SPATA2L: variants seen among roughly 807,000 people sequenced by gnomAD.
SPATA2L encodes spermatogenesis associated 2 like.
SPATA2L carries 5 observed loss-of-function variants against 8.7 expected under a neutral mutation model. That is an observed-to-expected ratio of 0.57 (90% CI 0.30 to 1.21). The LOEUF (loss-of-function observed/expected upper bound fraction) is 1.21, where lower values mean the gene tolerates loss of function less well. Ranked by LOEUF, SPATA2L falls within the 50% of genes most tolerant of loss-of-function variation. The probability of loss-of-function intolerance (pLI) is 0.07; values close to 1 mark genes in which losing one functional copy is unlikely to be tolerated. For missense variants in SPATA2L, 671 were observed against 591.0 expected, an observed-to-expected ratio of 1.14 and a Z score of -1.40; for synonymous variants, 358 against 275.8, an observed-to-expected ratio of 1.30 and a Z score of -2.95.
At chr16:89,700,005 G>A (rs1479885720) in intron 2 of SPATA2L, among the ~76,000 whole-genome samples, 1 of 152,228 alleles carries the variant, frequency 6.6e-6, no homozygotes, top group African/African-American at 2.4e-5. Context: ...AGTGCCTGCA[G>A]CACTGAGCTC....
Position 89,701,074 on chromosome 16 carries a change from C to G in SPATA2L, c.159G>C (p.Ala53=). ...ACAGCCCGTCGGTGAGCAGAGCCAG[C>G]GCGTCGTCCTGCAGCGCCCCGTGCA... The part of the protein sequence containing the change: ...FDLHGALQDD[A]LALLTDGLWG... Residue 53 remains alanine, a synonymous_variant, in exon 2 of 3, where the codon GCG becomes GCC. Transcript: ENST00000289805. The G allele has an allele frequency of 1.3e-6, 2 of 1,572,148 alleles. No individual in the cohort carries two copies. The highest frequency in any genetic ancestry group is 2.7e-5 in the African/African-American group (2 of 73,416).
In SPATA2L at chr16:89,697,645, G is replaced by A; in HGVS notation, c.964C>T (p.Leu322=). 1.9e-6 allele frequency: 3 copies of A among 1,608,588 alleles called. 1 individual carries two copies. The highest frequency in any genetic ancestry group is 2.5e-6 in the Non-Finnish European group (3 of 1,179,854). Residue 322 remains leucine, a synonymous_variant, in exon 3 of 3, where the codon CTG becomes TTG. Transcript: ENST00000289805. ...GCTGCAGAGCTTTCAGGGGTGGCCA[G>A]GTCCCCAGGCCTACTCAGCTCACGG... ...LRRELSRPGD[L]ATPESSAAAS... is the part of the protein sequence containing the mutation.
chr16:89,700,112 A>T (rs2060765936), intron 2 of SPATA2L, among the ~76,000 whole-genome samples: 1 of 152,214 alleles, frequency 6.6e-6, no homozygotes, highest in Non-Finnish European at 1.5e-5. Context: ...TAATTTGGCC[A>T]AGTCCTCGCG....
chr16:89,699,738 G>A (rs2060763162), intron 2 of SPATA2L, among the ~76,000 whole-genome samples: 1 of 152,090 alleles, frequency 6.6e-6, no homozygotes, highest in Non-Finnish European at 1.5e-5. Flanking sequence ...TTTTAATAGA[G>A]ACGGGGTTTC....
At chr16:89,699,244 C>G (rs1009758598) in intron 2 of SPATA2L, among the ~76,000 whole-genome samples, 2 of 152,188 alleles carry the variant, frequency 1.3e-5, no homozygotes, top group East Asian at 3.8e-4. Flanking sequence ...TTTGAATGTA[C>G]TTGCCCAGGT....
At position 89,701,241 on chromosome 16, in the gene SPATA2L, G is replaced by C; in HGVS notation, c.-1-8C>G. ...AGCGAGCTGCTGCCCATCCTGCGGC[G>C]GACGGGGGTCGGGGGGGTCAGGGAC... On this transcript the variant is annotated splice_region_variant and splice_polypyrimidine_tract_variant and intron_variant, in intron 1 of 2. Coordinates refer to ENST00000289805, the MANE Select transcript of SPATA2L (RefSeq NM_152339.4). The C allele has an allele frequency of 7.1e-7, 1 of 1,404,774 alleles. No homozygotes were observed. Among genetic ancestry groups the C allele is most frequent in the Non-Finnish European group, 9.3e-7 (1 of 1,080,906 alleles). The allele number at this position is 1,404,774 out of a possible 1,614,324, so 87.0% of individuals were successfully genotyped here.
intron 2 of SPATA2L, among the ~76,000 whole-genome samples, chr16:89,700,175 G>T (rs1298907865): frequency 6.6e-6 from 1 of 152,208 alleles, no homozygotes; most frequent in African/African-American, 2.4e-5. Flanking sequence ...CACTGAAGCC[G>T]GTTATTCCCC....
rs1217711192 is a variant in SPATA2L, at chr16:89,698,129, C to G, written c.480G>C (p.Leu160=). 1 of 1,609,056 alleles carries G rather than the reference C, an allele frequency of 6.2e-7. No homozygotes were observed. Among genetic ancestry groups the G allele is most frequent in the African/African-American group, 1.3e-5 (1 of 75,022 alleles). ...QVALGCFALR[L]ECEILGEVLA... ...GCACCTCACCCAGGATCTCACACTCCAGCCGGAGGGCGAAGCAGCCCAGGG... is the reference window on the plus strand; with the variant it reads ...GCACCTCACCCAGGATCTCACACTCGAGCCGGAGGGCGAAGCAGCCCAGGG... The change falls in exon 3 of 3, where the codon CTG becomes CTC. Residue 160 remains leucine, a synonymous_variant. Coordinates refer to ENST00000289805, the MANE Select transcript of SPATA2L (RefSeq NM_152339.4).
In SPATA2L at chr16:89,697,209, CA is replaced by C. The variant is rs2151609063; in HGVS notation, c.*124del. 7.2e-7 allele frequency: 1 copy of C among 1,393,476 alleles called. No homozygotes were observed. The highest frequency in any genetic ancestry group is 9.3e-7 in the Non-Finnish European group (1 of 1,077,164). 86.3% of individuals were successfully genotyped at this position (1,393,476 alleles called of 1,614,324 possible). On this transcript the variant is annotated 3_prime_UTR_variant, in exon 3 of 3. Coordinates refer to ENST00000289805, the MANE Select transcript of SPATA2L (RefSeq NM_152339.4). ...CCAGCAAGGGTTGGCCTGGACTCTC[CA>C]ACCCCCTGCTGTGCCCAGGACTCCC...
Position 89,697,274 on chromosome 16 carries a change from G to A in SPATA2L, c.*60C>T. On this transcript the variant is annotated 3_prime_UTR_variant, in exon 3 of 3. Transcript: ENST00000289805. ...AACCAGAGGCCCAGACCCCTCCCCAGCAAAGAGAAGCACCACGGGAGCTGT... is the reference window on the plus strand; with the variant it reads ...AACCAGAGGCCCAGACCCCTCCCCAACAAAGAGAAGCACCACGGGAGCTGT... 6.9e-7 allele frequency: 1 copy of A among 1,454,518 alleles called. No homozygotes were observed. The highest frequency in any genetic ancestry group is 2.4e-5 in the East Asian group (1 of 42,022). The allele number at this position is 1,454,518 out of a possible 1,614,324, so 90.1% of individuals were successfully genotyped here.
Position 89,697,063 on chromosome 16 carries a change from C to T in SPATA2L, c.*271G>A. The T allele has an allele frequency of 5.0e-6, 7 of 1,398,094 alleles. No homozygotes were observed. Among genetic ancestry groups the T allele is most frequent in the Non-Finnish European group, 6.5e-6 (7 of 1,078,104 alleles). The allele number at this position is 1,398,094 out of a possible 1,614,324, so 86.6% of individuals were successfully genotyped here. A position where few individuals can be genotyped will look rare whatever the true frequency, so the allele number is the denominator to read the frequency against. On this transcript the variant is annotated 3_prime_UTR_variant, in exon 3 of 3. Coordinates refer to ENST00000289805, the MANE Select transcript of SPATA2L (RefSeq NM_152339.4). The stretch of plus-strand genomic sequence containing the variant: ...GCACTGGCTGGAACAGGCTGGACCC[C>T]TCTACCCAGCACATGTGGGCATGCG...
intron 2 of SPATA2L, among the ~76,000 whole-genome samples, chr16:89,700,596 C>T (rs997337948): frequency 3.3e-5 from 5 of 152,204 alleles, no homozygotes; most frequent in Non-Finnish European, 7.3e-5. Flanking sequence ...TTAGGATGAC[C>T]ATGGGAACTC....
Position 89,696,790 on chromosome 16 carries a change from A to T in SPATA2L, c.*544T>A, listed in dbSNP as rs1001363097. 1.3e-6 allele frequency: 2 copies of T among 1,533,804 alleles called. No individual in the cohort carries two copies. Among genetic ancestry groups the T allele is most frequent in the Non-Finnish European group, 1.7e-6 (2 of 1,145,642 alleles). On this transcript the variant is annotated 3_prime_UTR_variant, in exon 3 of 3. Transcript: ENST00000289805. The stretch of plus-strand genomic sequence containing the variant: ...TGTGGGCCCAGCTGCTGTGACACCC[A>T]AGGGGAGGGCCGGCGTCCCCGAAGC...
At chr16:89,699,504 T>C (rs1012669208) in intron 2 of SPATA2L, among the ~76,000 whole-genome samples, 1 of 152,134 alleles carries the variant, frequency 6.6e-6, no homozygotes, top group African/African-American at 2.4e-5. Context: ...CTCCAGAGGC[T>C]GTCCATGCAC....
At chr16:89,699,253 G>A (rs1042685954) in intron 2 of SPATA2L, among the ~76,000 whole-genome samples, 12 of 152,174 alleles carry the variant, frequency 7.9e-5, no homozygotes, top group African/African-American at 2.4e-4. Context: ...ACTTGCCCAG[G>A]TGTTTGTTTT....
At position 89,697,418 on chromosome 16, in the gene SPATA2L, C is replaced by G. The variant is rs1438370420; in HGVS notation, c.1191G>C (p.Leu397=). 28 of 1,603,292 alleles carry G rather than the reference C, an allele frequency of 1.7e-5. No homozygotes were observed. Among genetic ancestry groups the G allele is most frequent in the Non-Finnish European group, 2.4e-5 (28 of 1,174,906 alleles). Residue 397 remains leucine, a synonymous_variant, in exon 3 of 3, where the codon CTG becomes CTC. Coordinates refer to ENST00000289805, the MANE Select transcript of SPATA2L (RefSeq NM_152339.4). The part of the protein sequence containing the change: ...ACRPGHSLRV[L]LGDAQRRLWL... ...ACAAGCGCCGCTGGGCGTCGCCAAG[C>G]AGCACACGCAGCGAGTGGCCTGGAC...
In SPATA2L at chr16:89,700,981, G is replaced by C. The variant is rs1322844599; in HGVS notation, c.252C>G (p.Ala84=). The change falls in exon 2 of 3, where the codon GCC becomes GCG. Residue 84 remains alanine, a synonymous_variant. Transcript: ENST00000289805. The stretch of plus-strand genomic sequence containing the variant: ...AGGGCAGCAGGTACAGGTGCACCGC[G>C]GCGAGCTCCAGAAGCTCGAAGGCGC... ...LARAFELLEL[A]AVHLYLLPWR... is the part of the protein sequence containing the mutation. 2 of 1,557,888 alleles carry C rather than the reference G, an allele frequency of 1.3e-6. No homozygotes were observed. Among genetic ancestry groups the C allele is most frequent in the Admixed American group, 3.8e-5 (2 of 53,068 alleles).
At chr16:89,699,396 T>TC (rs1191076547) in intron 2 of SPATA2L, among the ~76,000 whole-genome samples, 3 of 152,190 alleles carry the variant, frequency 2.0e-5, no homozygotes, top group African/African-American at 4.8e-5. Context: ...TTTGTTTTTT[T>TC]CCACTACAGT....
Position 89,700,862 on chromosome 16 carries a change from C to G in SPATA2L, c.303+68G>C, listed in dbSNP as rs970121399. 6.5e-6 allele frequency: 9 copies of G among 1,386,726 alleles called. No individual in the cohort carries two copies. The African/African-American group carries it at 1.4e-4, about 21-fold the overall frequency. The allele number at this position is 1,386,726 out of a possible 1,614,324, so 85.9% of individuals were successfully genotyped here. A position where few individuals can be genotyped will look rare whatever the true frequency, so the allele number is the denominator to read the frequency against. On this transcript the variant is annotated intron_variant, in intron 2 of 2. Coordinates refer to ENST00000289805, the MANE Select transcript of SPATA2L (RefSeq NM_152339.4). ...CCTCTCTCTCGAAAGGCGTGGTCCC[C>G]CATGGTCGGCGGCCCCGCGACCCGC...
Sources: allele counts gnomAD v4.1 joint callset (sites outside exome capture counted in the v4.1 genomes callset), GRCh38; gene constraint gnomAD v4.1.1; transcripts MANE v1.5; gene names NCBI Gene and HGNC (gene_info 2026-07-23, HGNC 2026-07-21).